Variants in SPOCK3 observed in about 807,000 individuals in gnomAD.
The protein encoded by SPOCK3 is SPARC (osteonectin), cwcv and kazal like domains proteoglycan 3.
A neutral mutation model predicts 56.6 loss-of-function variants in SPOCK3; 30 were observed. The observed-to-expected ratio is 0.53, with a 90% CI of 0.40 to 0.72. The LOEUF is 0.72. Among genes scored for constraint, SPOCK3 ranks in the 30% least tolerant of loss-of-function variants. The pLI, the probability that SPOCK3 is intolerant of heterozygous loss-of-function variation, is 0.00. For synonymous variants in SPOCK3, 196 were observed against 183.3 expected (o/e 1.07, Z -0.56); for missense variants, 527 against 530.0 (o/e 0.99, Z 0.06).
Position 166,974,188 on chromosome 4 carries a change from A to G in SPOCK3, c.350+26161T>C, listed in dbSNP as rs2150079298. On this transcript the variant is annotated intron_variant, in intron 4 of 10. Coordinates refer to ENST00000357545, the MANE Select transcript of SPOCK3 (RefSeq NM_001040159.2). ...TTTTAAATAGGTAAGATTACTGTGAATATTGTGAATAGCATATTATTTTTA... is the reference window on the plus strand; with the variant it reads ...TTTTAAATAGGTAAGATTACTGTGAGTATTGTGAATAGCATATTATTTTTA... Among the ~76,000 whole-genome samples the G allele has an allele frequency of 1.3e-5, 2 of 152,264 alleles. 1 individual carries two copies. The highest frequency in any genetic ancestry group is 4.1e-4 in the South Asian group (2 of 4,826).
At chr4:167,233,617 G>C (rs1261131602) in intron 2 of SPOCK3, among the ~76,000 whole-genome samples, 1 of 152,040 alleles carries the variant, frequency 6.6e-6, no homozygotes, top group Non-Finnish European at 1.5e-5. Flanking sequence ...CTTTAGTAGC[G>C]ATACATCGCA....
intron 2 of SPOCK3, among the ~76,000 whole-genome samples, chr4:167,122,120 C>CAAAAA (rs759163173): frequency 0.023 from 3,118 of 135,364 alleles, 46 homozygotes; most frequent in Non-Finnish European, 0.034. Context: ...TCTCTTTTTT[C>CAAAAA]TTTTTTCTTT....
chr4:167,041,130 C>A (rs1432362481), intron 3 of SPOCK3, among the ~76,000 whole-genome samples: 2 of 152,146 alleles, frequency 1.3e-5, no homozygotes, highest in East Asian at 3.8e-4. Flanking sequence ...GCTTCTTACT[C>A]TAAATAGCTG....
rs1215226220 is a variant in SPOCK3 at position 166,951,634 on chromosome 4, G to T, written c.351-38891C>A. Among the ~76,000 whole-genome samples, 17 of 135,218 alleles carry T rather than the reference G, an allele frequency of 1.3e-4. 1 individual carries two copies. Among genetic ancestry groups the T allele is most frequent in the Non-Finnish European group, 2.3e-4 (15 of 64,232 alleles). 88.7% of individuals were successfully genotyped at this position (135,218 alleles called of 152,430 possible). A position where few individuals can be genotyped will look rare whatever the true frequency, so the allele number is the denominator to read the frequency against. The stretch of plus-strand genomic sequence containing the variant: ...GCTGGGCAGAGACACAACCAAAAAA[G>T]AGAATTTTAGACCAATATCCTTGAT... On this transcript the variant is annotated intron_variant, in intron 4 of 10. Transcript: ENST00000357545.
chr4:167,138,677 C>G (rs1172853769), intron 2 of SPOCK3, among the ~76,000 whole-genome samples: 1 of 151,884 alleles, frequency 6.6e-6, no homozygotes, highest in African/African-American at 2.4e-5. Context: ...AGAGCTTGCT[C>G]CTTGCTGCAG....
chr4:166,829,101 G>T (rs949657023), intron 6 of SPOCK3, among the ~76,000 whole-genome samples: 1 of 151,966 alleles, frequency 6.6e-6, no homozygotes, highest in Admixed American at 6.6e-5. Context: ...AATCTTTACA[G>T]AAATGATGTA....
intron 2 of SPOCK3, among the ~76,000 whole-genome samples, chr4:167,169,448 C>A (rs371026861): frequency 6.6e-6 from 1 of 152,162 alleles, no homozygotes; most frequent in African/African-American, 2.4e-5. Flanking sequence ...CTTTAAGAAT[C>A]GACTGCCCTG....
intron 3 of SPOCK3, among the ~76,000 whole-genome samples, chr4:167,023,203 C>T (rs1580027921): frequency 1.3e-5 from 2 of 151,986 alleles, no homozygotes; most frequent in Admixed American, 6.6e-5. Context: ...CCCGATATGG[C>T]ACAATTCTTC....
chr4:166,769,585 C>T (rs1326965206), intron 7 of SPOCK3, among the ~76,000 whole-genome samples: 1 of 152,154 alleles, frequency 6.6e-6, no homozygotes, highest in African/African-American at 2.4e-5. Flanking sequence ...TGTGAGGTGT[C>T]AGTCTGCCCC....
chr4:167,062,034 G>A (rs767744249), intron 3 of SPOCK3, among the ~76,000 whole-genome samples: 2 of 151,674 alleles, frequency 1.3e-5, no homozygotes, highest in African/African-American at 4.8e-5. Flanking sequence ...TGTATAACAC[G>A]TTTCCTTTTG....
chr4:166,995,320 T>A (rs553402902), intron 4 of SPOCK3, among the ~76,000 whole-genome samples: 3 of 152,164 alleles, frequency 2.0e-5, no homozygotes, highest in African/African-American at 7.2e-5. Context: ...TTATGATCTA[T>A]CTTTTAAGAA....
chr4:166,770,862 G>A (rs113444356), intron 7 of SPOCK3, among the ~76,000 whole-genome samples: 31 of 151,976 alleles, frequency 2.0e-4, no homozygotes, highest in South Asian at 1.7e-3. Context: ...CTATGTTTAC[G>A]TAAGACAAAT....
At chr4:167,105,479 A>AC in intron 2 of SPOCK3, among the ~76,000 whole-genome samples, 1 of 150,238 alleles carries the variant, frequency 6.7e-6, no homozygotes, top group East Asian at 1.9e-4. Context: ...AAAAAAAAAA[A>AC]ACGAATCATA....
At chr4:167,142,907 A>C (rs1763650755) in intron 2 of SPOCK3, among the ~76,000 whole-genome samples, 1 of 152,010 alleles carries the variant, frequency 6.6e-6, no homozygotes, top group African/African-American at 2.4e-5. Flanking sequence ...TGGATGCAAC[A>C]AAACAACCAG....
intron 3 of SPOCK3, among the ~76,000 whole-genome samples, chr4:167,019,994 A>G (rs1404937158): frequency 6.6e-6 from 1 of 152,102 alleles, no homozygotes; most frequent in African/African-American, 2.4e-5. Flanking sequence ...GAGTGACTGG[A>G]GCACAAGCCC....
At chr4:167,012,946 T>C (rs2150148010) in intron 3 of SPOCK3, among the ~76,000 whole-genome samples, 1 of 152,086 alleles carries the variant, frequency 6.6e-6, no homozygotes, top group South Asian at 2.1e-4. Flanking sequence ...GTAGAGGTAA[T>C]ACTTGATAGT....
At chr4:166,998,387 C>A (rs1412843008) in intron 4 of SPOCK3, among the ~76,000 whole-genome samples, 7 of 152,218 alleles carry the variant, frequency 4.6e-5, no homozygotes, top group Non-Finnish European at 8.8e-5. Flanking sequence ...ATTTGGCTAT[C>A]AGTTTCTGAT....
At chr4:166,908,272 T>TCTCACA (rs373303538) in intron 5 of SPOCK3, among the ~76,000 whole-genome samples, 45 of 138,550 alleles carry the variant, frequency 3.2e-4, no homozygotes, top group African/African-American at 1.1e-3. Flanking sequence ...ATGTTATTGT[T>TCTCACA]CACACACACA....
chr4:166,772,849 G>GGT (rs1201982815), intron 7 of SPOCK3, among the ~76,000 whole-genome samples: 1 of 152,182 alleles, frequency 6.6e-6, no homozygotes, highest in East Asian at 1.9e-4. Context: ...TGGATGCAGT[G>GGT]GTGTAATCAT....
Sources: gnomAD v4.1 joint callset for allele counts (sites outside exome capture counted in the v4.1 genomes callset) on GRCh38, gnomAD v4.1.1 for gene constraint, MANE v1.5 for transcripts, NCBI Gene and HGNC (gene_info 2026-07-23, HGNC 2026-07-21) for gene names.